The following ZNRF2 variants were observed in gnomAD, a reference collection of about 807,000 sequenced individuals.
The protein encoded by ZNRF2 is zinc and ring finger 2.
ZNRF2 carries 16 observed loss-of-function variants against 20.4 expected under a neutral mutation model. That is an observed-to-expected ratio of 0.79 (90% CI 0.53 to 1.19). ZNRF2 has a LOEUF of 1.19. Among genes scored for constraint, ZNRF2 ranks in the 50% most tolerant of loss-of-function variants. ZNRF2 has a pLI of 0.00. For synonymous variants in ZNRF2, 178 were observed against 144.9 expected, an observed-to-expected ratio of 1.23 and a Z score of -1.64; for missense variants, 363 against 332.4, an observed-to-expected ratio of 1.09 and a Z score of -0.72.
chr7:30,360,689 C>T (rs76933284), intron 3 of ZNRF2, among the ~76,000 whole-genome samples: 1,765 of 152,028 alleles, frequency 0.012, 18 homozygotes, highest in Middle Eastern at 0.041. Context: ...AGCAAGACTC[C>T]GTCTCAAAAA....
At chr7:30,333,911 C>T (rs1220151737) in intron 2 of ZNRF2, among the ~76,000 whole-genome samples, 2 of 152,116 alleles carry the variant, frequency 1.3e-5, no homozygotes, top group Non-Finnish European at 2.9e-5. Context: ...TGTCGATGCA[C>T]AGCTTGCAAA....
intron 1 of ZNRF2, among the ~76,000 whole-genome samples, chr7:30,307,481 C>T (rs1053099416): frequency 6.6e-6 from 1 of 151,388 alleles, no homozygotes; most frequent in Non-Finnish European, 1.5e-5. Flanking sequence ...GATGTTTGTT[C>T]TGTGTACATT....
intron 2 of ZNRF2, among the ~76,000 whole-genome samples, chr7:30,327,115 G>A (rs149735691): frequency 1.3e-3 from 199 of 152,166 alleles, no homozygotes; most frequent in African/African-American, 4.5e-3. Context: ...TTCCTTTGCT[G>A]TGCAGAAGCT....
At chr7:30,295,836 T>A (rs1799011485) in intron 1 of ZNRF2, among the ~76,000 whole-genome samples, 1 of 152,206 alleles carries the variant, frequency 6.6e-6, no homozygotes. Context: ...ACATCCAAGA[T>A]TTATGCCGCA....
intron 1 of ZNRF2, among the ~76,000 whole-genome samples, chr7:30,319,490 C>T (rs1013018687): frequency 2.6e-5 from 4 of 152,110 alleles, no homozygotes; most frequent in Admixed American, 2.6e-4. Context: ...GTAATAGAAA[C>T]AGGATTTTTA....
intron 1 of ZNRF2, among the ~76,000 whole-genome samples, chr7:30,286,343 ACTATGTCATTTTAATTGG>A (rs1798789159): frequency 6.6e-6 from 1 of 152,236 alleles, no homozygotes; most frequent in Admixed American, 6.5e-5. Flanking sequence ...AGTCCCAGTT[ACTATGTCATTTTAATTGG>A]ATGAATGCGT....
At chr7:30,341,821 G>A (rs552530672) in intron 2 of ZNRF2, among the ~76,000 whole-genome samples, 3 of 152,102 alleles carry the variant, frequency 2.0e-5, no homozygotes, top group African/African-American at 7.2e-5. Flanking sequence ...ACAGTGGGGT[G>A]TTAAAATCTC....
At chr7:30,355,665 G>A (rs915059026) in intron 2 of ZNRF2, 63 bp from the exon 3 acceptor site, 33 of 1,365,142 alleles carry the variant, frequency 2.4e-5, no homozygotes, top group Non-Finnish European at 2.7e-5. Flanking sequence ...TAGCATTCAC[G>A]TAATTCTTTT....
Position 30,285,378 on chromosome 7 carries a change from C to A in ZNRF2, c.21C>A (p.Gly7=). The A allele has an allele frequency of 8.1e-7, 1 of 1,227,842 alleles. No homozygotes were observed. Among genetic ancestry groups the A allele is most frequent in the Non-Finnish European group, 1.0e-6 (1 of 968,488 alleles). The allele number at this position is 1,227,842 out of a possible 1,614,324, so 76.1% of individuals were successfully genotyped here. Reference sequence around the variant, plus strand: ...CGGACATGGGCGCCAAACAGAGCGGCCCGGCCGCCGCTAACGGCCGCACGC... The same window carrying A: ...CGGACATGGGCGCCAAACAGAGCGGACCGGCCGCCGCTAACGGCCGCACGC... MGAKQS[G]PAAANGRTRA... Residue 7 remains glycine (G), a synonymous_variant, in exon 1 of 5, where the codon GGC becomes GGA. Transcript: ENST00000323037.
intron 2 of ZNRF2, among the ~76,000 whole-genome samples, chr7:30,345,426 T>A (rs1799861733): frequency 6.6e-6 from 1 of 152,112 alleles, no homozygotes; most frequent in Admixed American, 6.5e-5. Context: ...GTATTCATGG[T>A]AAATATGTTG....
At chr7:30,301,713 A>C (rs960546201) in intron 1 of ZNRF2, among the ~76,000 whole-genome samples, 43 of 151,736 alleles carry the variant, frequency 2.8e-4, no homozygotes, top group Admixed American at 7.9e-4. Context: ...AAAAAAAAAA[A>C]AAAAAAAAAA....
intron 1 of ZNRF2, among the ~76,000 whole-genome samples, chr7:30,295,682 C>T (rs976204260): frequency 6.6e-6 from 1 of 152,304 alleles, no homozygotes; most frequent in East Asian, 1.9e-4. Context: ...TGCACTCCAG[C>T]CTGGGTGATG....
At chr7:30,323,165 C>T (rs1304591416) in intron 1 of ZNRF2, among the ~76,000 whole-genome samples, 1 of 152,108 alleles carries the variant, frequency 6.6e-6, no homozygotes. Flanking sequence ...AAAGGCTTCA[C>T]GTTCTGCATC....
chr7:30,328,661 G>A (rs1799589801), intron 2 of ZNRF2, among the ~76,000 whole-genome samples: 1 of 152,034 alleles, frequency 6.6e-6, no homozygotes. Context: ...TTGAAATATT[G>A]GTTTTTCAGA....
chr7:30,287,854 G>A (rs1231747584), intron 1 of ZNRF2, among the ~76,000 whole-genome samples: 4 of 152,126 alleles, frequency 2.6e-5, no homozygotes, highest in African/African-American at 9.7e-5. Context: ...TGGAACAATT[G>A]AGAAAAGTCA....
rs146353938 is a variant in ZNRF2 at position 30,303,853 on chromosome 7, C to G, written c.469+18027C>G. Among the ~76,000 whole-genome samples, 201 of 152,254 alleles carry G rather than the reference C, an allele frequency of 1.3e-3. 1 individual carries two copies. The highest frequency in any genetic ancestry group is 4.6e-3 in the African/African-American group (190 of 41,532). On this transcript the variant is annotated intron_variant, in intron 1 of 4. Transcript: ENST00000323037. The stretch of plus-strand genomic sequence containing the variant: ...ATAAACCTTCCAGGTGATTCTGATG[C>G]CTGCCAAAGTGTGGGAATACAGCTT...
intron 4 of ZNRF2, among the ~76,000 whole-genome samples, chr7:30,364,036 C>T (rs908065639): frequency 6.6e-6 from 1 of 152,178 alleles, no homozygotes; most frequent in Non-Finnish European, 1.5e-5. Context: ...GACCAGATGA[C>T]GTCCAGAGGT....
chr7:30,309,275 A>C (rs573261925), intron 1 of ZNRF2, among the ~76,000 whole-genome samples: 1 of 152,286 alleles, frequency 6.6e-6, no homozygotes, highest in East Asian at 1.9e-4. Flanking sequence ...AGTTATACTG[A>C]ATATTTTCTG....
chr7:30,311,670 T>A (rs1230859188), intron 1 of ZNRF2, among the ~76,000 whole-genome samples: 1 of 152,184 alleles, frequency 6.6e-6, no homozygotes, highest in East Asian at 1.9e-4. Flanking sequence ...AGCTTGAAAA[T>A]CCTTGTAGAA....
Sources: allele counts gnomAD v4.1 joint callset (sites outside exome capture counted in the v4.1 genomes callset), GRCh38; gene constraint gnomAD v4.1.1; transcripts MANE v1.5; gene names NCBI Gene and HGNC (gene_info 2026-07-23, HGNC 2026-07-21).